Variants in ACOXL observed in about 807,000 individuals in gnomAD.
ACOXL encodes acyl-CoA oxidase like.
In ACOXL, 70 loss-of-function variants were observed where a neutral mutation model predicts 71.9. The observed-to-expected ratio is 0.97, with a 90% CI of 0.80 to 1.19. The LOEUF is 1.19. ACOXL is among the 50% of genes most tolerant of loss of function. ACOXL has a pLI of 0.00. For missense variants in ACOXL, 703 were observed against 736.3 expected (o/e 0.95, Z 0.52); for synonymous variants, 253 against 281.6 (o/e 0.90, Z 1.02).
intron 17 of ACOXL, among the ~76,000 whole-genome samples, chr2:111,112,266 T>C (rs2070034248): frequency 6.6e-6 from 1 of 152,224 alleles, no homozygotes; most frequent in African/African-American, 2.4e-5. Flanking sequence ...TGAGAATGTA[T>C]GTGTTCCTGG....
intron 9 of ACOXL, among the ~76,000 whole-genome samples, chr2:110,840,414 A>T (rs1533295): frequency 6.6e-6 from 1 of 152,096 alleles, no homozygotes; most frequent in Non-Finnish European, 1.5e-5. Flanking sequence ...AATTTTTCCT[A>T]TCACACAATA....
At chr2:110,745,312 G>A (rs55693530) in intron 1 of ACOXL, among the ~76,000 whole-genome samples, 1,852 of 152,142 alleles carry the variant, frequency 0.012, 42 homozygotes, top group African/African-American at 0.043. Context: ...GACCCTTTTT[G>A]GTTTTCAGCC....
At chr2:110,998,684 A>G (rs540630745) in intron 14 of ACOXL, among the ~76,000 whole-genome samples, 2 of 152,308 alleles carry the variant, frequency 1.3e-5, no homozygotes, top group South Asian at 2.1e-4. Context: ...TGAAAACAAC[A>G]TTTCCATTAC....
At chr2:110,859,506 G>T (rs1693680470) in intron 10 of ACOXL, among the ~76,000 whole-genome samples, 1 of 152,212 alleles carries the variant, frequency 6.6e-6, no homozygotes, top group South Asian at 2.1e-4. Context: ...ATTGGGGCAA[G>T]CTCTGGCAAG....
intron 9 of ACOXL, among the ~76,000 whole-genome samples, chr2:110,810,872 G>C (rs1687237706): frequency 6.6e-6 from 1 of 152,166 alleles, no homozygotes; most frequent in South Asian, 2.1e-4. Context: ...GGAGGCCTTA[G>C]GAAACTTACA....
At chr2:110,843,826 A>C (rs1691473174) in intron 10 of ACOXL, among the ~76,000 whole-genome samples, 1 of 152,224 alleles carries the variant, frequency 6.6e-6, no homozygotes, top group Non-Finnish European at 1.5e-5. Flanking sequence ...AACAAATATC[A>C]TGGATATTTA....
intron 3 of ACOXL, among the ~76,000 whole-genome samples, chr2:110,787,375 A>T (rs1684094137): frequency 6.6e-6 from 1 of 151,948 alleles, no homozygotes; most frequent in Non-Finnish European, 1.5e-5. Flanking sequence ...TCCACTAAAA[A>T]TACAAAAAAT....
At chr2:110,962,610 G>C (rs1344764657) in intron 12 of ACOXL, among the ~76,000 whole-genome samples, 1 of 152,170 alleles carries the variant, frequency 6.6e-6, no homozygotes, top group Non-Finnish European at 1.5e-5. Context: ...GCAGGCACCT[G>C]GAAATCCAGA....
intron 2 of ACOXL, among the ~76,000 whole-genome samples, chr2:110,776,152 G>A (rs1682619071): frequency 1.3e-5 from 2 of 152,210 alleles, no homozygotes; most frequent in Admixed American, 6.5e-5. Flanking sequence ...GTTATGCTGA[G>A]TGAAACAAGC....
At chr2:110,995,203 G>C (rs893919508) in intron 13 of ACOXL, among the ~76,000 whole-genome samples, 5 of 151,926 alleles carry the variant, frequency 3.3e-5, no homozygotes, top group Non-Finnish European at 7.4e-5. Context: ...TCACTTGACA[G>C]AATTGTATAA....
chr2:110,847,521 G>A (rs993317133), intron 10 of ACOXL, among the ~76,000 whole-genome samples: 11 of 152,280 alleles, frequency 7.2e-5, no homozygotes, highest in Middle Eastern at 3.4e-3. Context: ...TTTAATAAAC[G>A]AAGAAGGAAG....
intron 9 of ACOXL, among the ~76,000 whole-genome samples, chr2:110,819,088 C>T (rs1371824778): frequency 2.0e-5 from 3 of 152,154 alleles, no homozygotes; most frequent in Non-Finnish European, 2.9e-5. Flanking sequence ...AGGGTTTTGA[C>T]ATGATGCCAC....
intron 10 of ACOXL, among the ~76,000 whole-genome samples, chr2:110,854,878 C>T (rs528819272): frequency 6.8e-4 from 104 of 152,216 alleles, no homozygotes; most frequent in Non-Finnish European, 6.0e-4. Context: ...CACCCCACCT[C>T]CACCTTCCCT....
At chr2:110,928,683 T>C (rs914401079) in intron 11 of ACOXL, among the ~76,000 whole-genome samples, 2 of 152,242 alleles carry the variant, frequency 1.3e-5, no homozygotes, top group South Asian at 4.1e-4. Flanking sequence ...GTTCCTGATA[T>C]TGTTTGGCTG....
intron 14 of ACOXL, among the ~76,000 whole-genome samples, chr2:111,028,570 T>C (rs992253019): frequency 3.9e-5 from 6 of 152,182 alleles, no homozygotes; most frequent in African/African-American, 1.4e-4. Flanking sequence ...ATCTTCTACT[T>C]GAACTTAAGG....
intron 11 of ACOXL, among the ~76,000 whole-genome samples, 183 bp downstream of exon 11, chr2:110,909,088 A>G (rs988023147): frequency 6.6e-6 from 1 of 152,124 alleles, no homozygotes; most frequent in Non-Finnish European, 1.5e-5. Flanking sequence ...AATGTTTTTA[A>G]CCTGGACATC....
At chr2:111,100,641 A>T (rs1413341646) in intron 17 of ACOXL, 1 of 153,210 alleles carries the variant, frequency 6.5e-6, no homozygotes, top group Admixed American at 6.5e-5. Flanking sequence ...GGCTTTCTCC[A>T]TGCCTCTAGG....
chr2:110,765,762 A>G (rs1234907222), intron 1 of ACOXL, among the ~76,000 whole-genome samples: 1 of 152,164 alleles, frequency 6.6e-6, no homozygotes, highest in Non-Finnish European at 1.5e-5. Context: ...CATGAGGGTG[A>G]ACTGCTCATG....
In ACOXL at chr2:110,866,406, G is replaced by C. The variant is rs117286848; in HGVS notation, c.788+25001G>C. On this transcript the variant is annotated intron_variant, in intron 10 of 17. Transcript: ENST00000439055. Reference sequence around the variant, plus strand: ...TTCTCAGGGTGATGAAGTAGGATTAGTTCAGACTCAGTTAAGTGAGTCATT... The same window carrying C: ...TTCTCAGGGTGATGAAGTAGGATTACTTCAGACTCAGTTAAGTGAGTCATT... 5.3e-5 allele frequency among the ~76,000 whole-genome samples: 8 copies of C among 152,292 alleles called. No homozygotes were observed. In the East Asian group the frequency reaches 1.5e-3, roughly 29 times the overall value.
Sources: gnomAD v4.1 joint callset for allele counts (sites outside exome capture counted in the v4.1 genomes callset) on GRCh38, gnomAD v4.1.1 for gene constraint, MANE v1.5 for transcripts, NCBI Gene and HGNC (gene_info 2026-07-23, HGNC 2026-07-21) for gene names.